Variants in SRGAP1 observed in about 807,000 individuals in gnomAD.
The protein encoded by SRGAP1 is SLIT-ROBO Rho GTPase activating protein 1.
SRGAP1 carries 43 observed loss-of-function variants against 121.9 expected under a neutral mutation model. The observed-to-expected ratio is 0.35, with a 90% CI of 0.28 to 0.46. The LOEUF is 0.46. Ranked by LOEUF, SRGAP1 falls within the 20% of genes least tolerant of loss-of-function variation. The pLI is 1.00. For synonymous variants in SRGAP1, 447 were observed against 485.4 expected (o/e 0.92, Z 1.04); for missense variants, 1,102 against 1,350.9 (o/e 0.82, Z 2.89).
intron 3 of SRGAP1, among the ~76,000 whole-genome samples, chr12:63,997,619 A>AATT (rs1245408376): frequency 6.6e-6 from 1 of 152,176 alleles, no homozygotes; most frequent in Non-Finnish European, 1.5e-5. Context: ...TTGTATAATA[A>AATT]AACACACAAT....
intron 17 of SRGAP1, 94 bp downstream of exon 17, chr12:64,112,080 C>A: frequency 3.2e-6 from 3 of 948,034 alleles, no homozygotes; most frequent in Non-Finnish European, 4.7e-6. Context: ...CATAAGCCAC[C>A]AATGCTTCCA....
At chr12:64,034,444 A>G (rs115585779) in intron 4 of SRGAP1, among the ~76,000 whole-genome samples, 2 of 152,316 alleles carry the variant, frequency 1.3e-5, no homozygotes, top group African/African-American at 4.8e-5. Flanking sequence ...GTGGTTCTCT[A>G]TAGCAGTGCA....
chr12:63,949,431 T>TATTATTATC, intron 1 of SRGAP1, among the ~76,000 whole-genome samples: 1 of 135,196 alleles, frequency 7.4e-6, no homozygotes, highest in African/African-American at 2.6e-5. Flanking sequence ...TTATTATTAT[T>TATTATTATC]ATTATTATTA....
intron 3 of SRGAP1, among the ~76,000 whole-genome samples, chr12:64,016,066 C>T (rs1470277651): frequency 2.0e-5 from 3 of 152,088 alleles, no homozygotes; most frequent in African/African-American, 7.2e-5. Context: ...TGATACTCTC[C>T]ACTTTTTTGT....
intron 4 of SRGAP1, among the ~76,000 whole-genome samples, chr12:64,033,575 C>T (rs1195844020): frequency 6.6e-6 from 1 of 151,700 alleles, no homozygotes; most frequent in Non-Finnish European, 1.5e-5. Context: ...AAAATTAGCC[C>T]AGCATGGTGG....
chr12:64,137,004 C>G (rs1050062738), intron 21 of SRGAP1, among the ~76,000 whole-genome samples: 1 of 152,112 alleles, frequency 6.6e-6, no homozygotes, highest in African/African-American at 2.4e-5. Context: ...TGACTCATGC[C>G]TGTAATCCCA....
chr12:63,946,297 T>C (rs1158093697), intron 1 of SRGAP1, among the ~76,000 whole-genome samples: 1 of 151,742 alleles, frequency 6.6e-6, no homozygotes, highest in Non-Finnish European at 1.5e-5. Flanking sequence ...TTTTTTCTTT[T>C]TTTTTTTTTA....
chr12:63,856,794 A>G (rs1899266771), intron 1 of SRGAP1, among the ~76,000 whole-genome samples: 2 of 152,308 alleles, frequency 1.3e-5, no homozygotes, highest in African/African-American at 4.8e-5. Context: ...TCTTCCAAGT[A>G]AATTTTAGAA....
intron 1 of SRGAP1, among the ~76,000 whole-genome samples, chr12:63,899,642 C>T (rs1900868724): frequency 6.6e-6 from 1 of 152,164 alleles, no homozygotes; most frequent in African/African-American, 2.4e-5. Flanking sequence ...AGCTGGCCAC[C>T]TTTGATTGGC....
chr12:64,046,530 T>C (rs537856593), intron 6 of SRGAP1, among the ~76,000 whole-genome samples: 1 of 152,226 alleles, frequency 6.6e-6, no homozygotes, highest in South Asian at 2.1e-4. Flanking sequence ...AGATTGAAGC[T>C]AGAGCTCACA....
In SRGAP1 at chr12:63,990,049, G is replaced by T; in HGVS notation, c.403G>T (p.Asp135Tyr). ...TATGCGGTTCATGCAGATAAGTGAG[G>T]ATTCTACCAGGATGTTTAAAAAGGT... ...VIMRFMQISE[D>Y]STRMFKKSKE... The change falls in exon 3 of 22, where the codon GAT becomes TAT. Residue 135 changes from aspartate to tyrosine, a missense_variant. By Grantham distance (160) the Asp-to-Tyr change is radical. This residue lies in a region of SRGAP1 where 747 missense variants were observed against 929.4 expected (regional missense o/e 0.80). Coordinates refer to ENST00000355086, the MANE Select transcript of SRGAP1 (RefSeq NM_020762.4). 6.2e-7 allele frequency: 1 copy of T among 1,609,886 alleles called. No individual in the cohort carries two copies.
intron 1 of SRGAP1, among the ~76,000 whole-genome samples, chr12:63,868,786 A>G (rs1002390171): frequency 5.3e-5 from 8 of 152,190 alleles, no homozygotes; most frequent in African/African-American, 1.9e-4. Flanking sequence ...AAGTGCTATC[A>G]ATAGTTCTAA....
At chr12:64,139,401 T>C (rs1451326844) in intron 21 of SRGAP1, among the ~76,000 whole-genome samples, 1 of 152,240 alleles carries the variant, frequency 6.6e-6, no homozygotes, top group African/African-American at 2.4e-5. Context: ...ATTCCTATTG[T>C]ATTTATTTCT....
chr12:64,125,924 C>T, intron 18 of SRGAP1, 53 bp from the exon 19 acceptor site: 3 of 1,579,022 alleles, frequency 1.9e-6, no homozygotes, highest in Non-Finnish European at 2.6e-6. Context: ...GATAGGATAC[C>T]ATGCCTTCCT....
chr12:63,892,339 A>T (rs930345236), intron 1 of SRGAP1, among the ~76,000 whole-genome samples: 1 of 152,232 alleles, frequency 6.6e-6, no homozygotes. Context: ...GTCATAAAAT[A>T]TGTAATAATC....
chr12:63,902,558 CA>C (rs1254768605), intron 1 of SRGAP1, among the ~76,000 whole-genome samples: 1 of 152,138 alleles, frequency 6.6e-6, no homozygotes, highest in Admixed American at 6.6e-5. Context: ...GGCATCTGTT[CA>C]AAAGTCTTCC....
At chr12:64,140,235 G>A in intron 21 of SRGAP1, among the ~76,000 whole-genome samples, 1 of 146,346 alleles carries the variant, frequency 6.8e-6, no homozygotes. Flanking sequence ...GCTCTTTTTT[G>A]GTTCCATATG....
intron 4 of SRGAP1, among the ~76,000 whole-genome samples, chr12:64,024,218 G>A (rs2136477012): frequency 6.6e-6 from 1 of 152,266 alleles, no homozygotes; most frequent in Admixed American, 6.5e-5. Flanking sequence ...GATCAGTTGA[G>A]CCCAGTTCAA....
intron 1 of SRGAP1, among the ~76,000 whole-genome samples, chr12:63,871,117 A>G (rs1328031206): frequency 1.3e-5 from 2 of 152,174 alleles, no homozygotes; most frequent in Non-Finnish European, 2.9e-5. Flanking sequence ...CTACTGCCGT[A>G]AAAATCAAGC....
Sources: allele counts gnomAD v4.1 joint callset (sites outside exome capture counted in the v4.1 genomes callset), GRCh38; gene constraint gnomAD v4.1.1; regional missense constraint gnomAD v4.1.1; transcripts MANE v1.5; gene names NCBI Gene and HGNC (gene_info 2026-07-23, HGNC 2026-07-21).